Variants in RBMS1 observed in about 807,000 individuals in gnomAD.
The protein encoded by RBMS1 is RNA binding motif single stranded interacting protein 1.
RBMS1 carries 17 observed loss-of-function variants against 62.3 expected under a neutral mutation model. That is an observed-to-expected ratio of 0.27 (90% CI 0.19 to 0.41). The LOEUF (loss-of-function observed/expected upper bound fraction) is 0.41. RBMS1 is among the 10% of genes least tolerant of loss of function. The pLI is 1.00. For synonymous variants in RBMS1, 172 were observed against 170.0 expected, an observed-to-expected ratio of 1.01 and a Z score of -0.09; for missense variants, 334 against 504.5, an observed-to-expected ratio of 0.66 and a Z score of 3.24.
intron 1 of RBMS1, among the ~76,000 whole-genome samples, chr2:160,429,381 T>A (rs1328028330): frequency 1.3e-5 from 2 of 152,226 alleles, no homozygotes; most frequent in Non-Finnish European, 2.9e-5. Context: ...TTGTTATACA[T>A]GTCAGCCATC....
At chr2:160,351,243 G>C (rs1052663726) in intron 2 of RBMS1, among the ~76,000 whole-genome samples, 6 of 151,844 alleles carry the variant, frequency 4.0e-5, no homozygotes, top group African/African-American at 1.5e-4. Context: ...AAGTTAATGG[G>C]TGCAGCACAC....
intron 1 of RBMS1, among the ~76,000 whole-genome samples, chr2:160,424,223 TG>T (rs1395174546): frequency 6.6e-6 from 1 of 151,996 alleles, no homozygotes; most frequent in African/African-American, 2.4e-5. Context: ...TTCACCATGT[TG>T]GCCAGGCTGG....
At chr2:160,298,575 G>A (rs187279950) in intron 6 of RBMS1, among the ~76,000 whole-genome samples, 108 of 152,166 alleles carry the variant, frequency 7.1e-4, no homozygotes, top group African/African-American at 2.5e-3. Context: ...GGAAGAAAAC[G>A]GAGACAGGTG....
chr2:160,488,096 T>C lies in RBMS1; in HGVS notation c.75+5193A>G, dbSNP rs1043409873. Among the ~76,000 whole-genome samples, 4 of 152,244 alleles carry C rather than the reference T, an allele frequency of 2.6e-5. No individual in the cohort carries two copies. In the South Asian group the frequency reaches 8.3e-4, roughly 32 times the overall value. On this transcript the variant is annotated intron_variant, in intron 1 of 13. Coordinates refer to ENST00000348849, the MANE Select transcript of RBMS1 (RefSeq NM_016836.4). ...ACCAGACTAAGAAATGCTTTGTTTC[T>C]ATTATCAAATTTGCATATGTACTCA...
At chr2:160,405,916 G>A (rs1026872023) in intron 1 of RBMS1, among the ~76,000 whole-genome samples, 1 of 152,178 alleles carries the variant, frequency 6.6e-6, no homozygotes, top group Non-Finnish European at 1.5e-5. Context: ...GTGGGTGGGG[G>A]AGGAGGGGTT....
intron 1 of RBMS1, among the ~76,000 whole-genome samples, chr2:160,374,318 G>A (rs973289173): frequency 3.9e-5 from 6 of 152,088 alleles, no homozygotes; most frequent in Non-Finnish European, 8.8e-5. Context: ...AAGAAAGGTG[G>A]GTAGAGTAAG....
chr2:160,362,257 G>GC, intron 2 of RBMS1, among the ~76,000 whole-genome samples: 1 of 152,322 alleles, frequency 6.6e-6, no homozygotes, highest in East Asian at 1.9e-4. Context: ...TTGTTCACTG[G>GC]AGTGGCACTC....
chr2:160,382,553 T>C (rs1694331776), intron 1 of RBMS1, among the ~76,000 whole-genome samples: 1 of 152,214 alleles, frequency 6.6e-6, no homozygotes. Flanking sequence ...TTAATCAGAA[T>C]TACTATAAAC....
chr2:160,295,327 T>C (rs763337842), intron 6 of RBMS1, among the ~76,000 whole-genome samples: 1 of 152,176 alleles, frequency 6.6e-6, no homozygotes, highest in South Asian at 2.1e-4. Flanking sequence ...GTTCCCTGAG[T>C]CTAGCACAAA....
In RBMS1 at chr2:160,404,814, C is replaced by T. The variant is rs1695612953; in HGVS notation, c.76-37423G>A. On this transcript the variant is annotated intron_variant, in intron 1 of 13. Transcript: ENST00000348849. Reference sequence around the variant, plus strand: ...ACCTCCTAGCTCACAAGTTCTCCCTCCCCAAAAAGGTGGGAGGAATCCCTA... The same window carrying T: ...ACCTCCTAGCTCACAAGTTCTCCCTTCCCAAAAAGGTGGGAGGAATCCCTA... Among the ~76,000 whole-genome samples, 2 of 152,218 alleles carry T rather than the reference C, an allele frequency of 1.3e-5. 1 individual carries two copies. The highest frequency in any genetic ancestry group is 4.1e-4 in the South Asian group (2 of 4,830).
chr2:160,377,653 G>A (rs1363499178), intron 1 of RBMS1, among the ~76,000 whole-genome samples: 4 of 152,198 alleles, frequency 2.6e-5, no homozygotes, highest in African/African-American at 9.7e-5. Flanking sequence ...AGGGGTATGA[G>A]GGATCATAAG....
chr2:160,311,089 G>T (rs907119137), intron 4 of RBMS1, among the ~76,000 whole-genome samples: 4 of 151,402 alleles, frequency 2.6e-5, no homozygotes, highest in African/African-American at 9.7e-5. Flanking sequence ...AGCTACTCAG[G>T]AGGCTGAGGC....
intron 1 of RBMS1, among the ~76,000 whole-genome samples, chr2:160,381,452 T>C (rs904860246): frequency 3.9e-5 from 6 of 152,258 alleles, no homozygotes; most frequent in African/African-American, 1.4e-4. Context: ...ATAATACTAA[T>C]TGCTAACATT....
chr2:160,335,223 A>C (rs1038139531), intron 2 of RBMS1, among the ~76,000 whole-genome samples: 8 of 152,166 alleles, frequency 5.3e-5, no homozygotes, highest in Non-Finnish European at 1.2e-4. Context: ...TTTTAAATGT[A>C]TTTTATTATC....
At chr2:160,350,480 A>G (rs780534005) in intron 2 of RBMS1, among the ~76,000 whole-genome samples, 1 of 152,204 alleles carries the variant, frequency 6.6e-6, no homozygotes, top group Non-Finnish European at 1.5e-5. Context: ...AGCAATCCAG[A>G]AAGACTCACA....
intron 1 of RBMS1, among the ~76,000 whole-genome samples, chr2:160,458,146 TAGAG>T (rs1684320760): frequency 6.6e-6 from 1 of 152,036 alleles, no homozygotes; most frequent in African/African-American, 2.4e-5. Flanking sequence ...TTATTTTTCA[TAGAG>T]ATAGAATCTC....
chr2:160,324,640 A>G (rs2105976308), intron 2 of RBMS1, among the ~76,000 whole-genome samples: 1 of 152,030 alleles, frequency 6.6e-6, no homozygotes, highest in African/African-American at 2.4e-5. Context: ...GCTGCTCCTG[A>G]AGGACAAACA....
intron 1 of RBMS1, among the ~76,000 whole-genome samples, chr2:160,384,558 G>A (rs1290316490): frequency 6.6e-6 from 1 of 152,144 alleles, no homozygotes; most frequent in Admixed American, 6.6e-5. Flanking sequence ...ATGAAAGGAT[G>A]GATTCTGAAA....
chr2:160,380,777 G>A (rs1425415086), intron 1 of RBMS1, among the ~76,000 whole-genome samples: 3 of 152,160 alleles, frequency 2.0e-5, no homozygotes, highest in Non-Finnish European at 4.4e-5. Flanking sequence ...CTCCACTGCG[G>A]CCAGGAAGCT....
Sources: allele counts gnomAD v4.1 joint callset (sites outside exome capture counted in the v4.1 genomes callset), GRCh38; gene constraint gnomAD v4.1.1; transcripts MANE v1.5; gene names NCBI Gene and HGNC (gene_info 2026-07-23, HGNC 2026-07-21).